TTN: variants seen among roughly 807,000 people sequenced by gnomAD.
TTN encodes the protein connectin.
Under a neutral mutation model 3,223.0 loss-of-function variants are expected in TTN, and 1,525 were observed. That is an observed-to-expected ratio of 0.47 (90% CI 0.45 to 0.49). The LOEUF is 0.49. Among genes scored for constraint, TTN ranks in the 20% least tolerant of loss-of-function variants. TTN has a pLI of 0.00. For missense variants in TTN, 40,786 were observed against 43,424.0 expected (o/e 0.94, Z 5.40); for synonymous variants, 14,094 against 15,161.0 (o/e 0.93, Z 5.17).
rs750468978 is a variant in TTN at position 178,562,045 on chromosome 2, A to T, written c.84087T>A (p.Asp28029Glu). 3 of 1,613,314 alleles carry T rather than the reference A, an allele frequency of 1.9e-6. No individual in the cohort carries two copies. Among genetic ancestry groups the T allele is most frequent in the Non-Finnish European group, 2.5e-6 (3 of 1,179,684 alleles). Residue 28029 changes from aspartate (D) to glutamate (E), a missense_variant, in exon 326 of 363, where the codon GAT becomes GAA. Physicochemically the swap from Asp to Glu is conservative, Grantham distance 45. Coordinates refer to ENST00000589042, the MANE Select transcript of TTN (RefSeq NM_001267550.2). Reference sequence around the variant, plus strand: ...AAACACATAATTCATAAGTTCCAACATCTTCCTTTGAAGCTTCCTTAATAG... The same window carrying T: ...AAACACATAATTCATAAGTTCCAACTTCTTCCTTTGAAGCTTCCTTAATAG... ...SLSIKEASKE[D>E]VGTYELCVSN... is the part of the protein sequence containing the mutation.
intron 6 of TTN, 62 bp from the exon 7 acceptor site, chr2:178,795,314 C>T (rs2093709104): frequency 6.6e-7 from 1 of 1,522,186 alleles, no homozygotes; most frequent in Non-Finnish European, 9.1e-7. Context: ...GGATGTGAAT[C>T]ATGAGATGAA....
At chr2:178,767,699 T>C (rs2090724132) in intron 40 of TTN, 60 bp downstream of exon 40, 1 of 1,597,262 alleles carries the variant, frequency 6.3e-7, no homozygotes, top group African/African-American at 1.3e-5. Context: ...CATTAAAATA[T>C]AAAATGATAG....
chr2:178,629,369 C>T lies in TTN; in HGVS notation c.44356G>A (p.Glu14786Lys), dbSNP rs764555693. Residue 14786 changes from glutamate (E) to lysine (K), a missense_variant, in exon 240 of 363, where the codon GAG (glutamate) becomes AAG (lysine). By Grantham distance (56) the Glu-to-Lys change is moderately conservative. Coordinates refer to ENST00000589042, the MANE Select transcript of TTN (RefSeq NM_001267550.2). The part of the protein sequence containing the change: ...TAGETATFDC[E>K]LSYEDIPVEW... ...ACTGGGATATCTTCGTAGGAGAGCT[C>T]GCAGTCGAAGGTGGCTGTTTCCCCT... The T allele has an allele frequency of 8.1e-6, 13 of 1,612,822 alleles. No homozygotes were observed. The highest frequency in any genetic ancestry group is 4.4e-5 in the South Asian group (4 of 91,046).
At position 178,593,743 on chromosome 2, in the gene TTN, C is replaced by A. The variant is rs772071197; in HGVS notation, c.58557G>T (p.Lys19519Asn). The A allele has an allele frequency of 6.2e-7, 1 of 1,613,326 alleles. No homozygotes were observed. Among genetic ancestry groups the A allele is most frequent in the Admixed American group, 1.7e-5 (1 of 59,954 alleles). The part of the protein sequence containing the change: ...GSKITNYIIE[K>N]KEVGKDVWMP... ...TCCAGACGTCTTTACCCACTTCCTT[C>A]TTCTCAATAATATAATTGGTGATTT... Residue 19519 changes from lysine (K) to asparagine (N), a missense_variant, in exon 298 of 363, where the codon AAG becomes AAT. Transcript: ENST00000589042.
rs773754692 is a variant in TTN at position 178,590,290 on chromosome 2, C to T, written c.61435G>A (p.Asp20479Asn). The T allele has an allele frequency of 6.4e-7, 1 of 1,570,950 alleles. No homozygotes were observed. The highest frequency in any genetic ancestry group is 2.2e-5 in the East Asian group (1 of 44,446). ...DILHPPEVEL[D>N]VTCRDVITVR... Reference sequence around the variant, plus strand: ...GTAATAACATCACGACAAGTAACATCAAGTTCTACTTCTGGAGGATGAAGG... The same window carrying T: ...GTAATAACATCACGACAAGTAACATTAAGTTCTACTTCTGGAGGATGAAGG... Residue 20479 changes from aspartate to asparagine, a missense_variant, in exon 304 of 363, where the codon GAT becomes AAT. Asp to Asn is a conservative substitution (Grantham distance 23). Coordinates refer to ENST00000589042, the MANE Select transcript of TTN (RefSeq NM_001267550.2).
In TTN at chr2:178,610,260, G is replaced by C; in HGVS notation, c.51266C>G (p.Ala17089Gly). 6.2e-7 allele frequency: 1 copy of C among 1,612,994 alleles called. No individual in the cohort carries two copies. The highest frequency in any genetic ancestry group is 2.2e-5 in the East Asian group (1 of 44,770). The part of the protein sequence containing the change: ...ILHYVLERRE[A>G]GRRTYIPVMS... ...GACTGGTATATATGTTCTCCTCCCAGCTTCTCTGCGCTCCAGGACATAATG... is the reference window on the plus strand; with the variant it reads ...GACTGGTATATATGTTCTCCTCCCACCTTCTCTGCGCTCCAGGACATAATG... Residue 17089 changes from alanine (A) to glycine (G), a missense_variant, in exon 271 of 363, where the codon GCT (alanine) becomes GGT (glycine). Physicochemically the swap from Ala to Gly is moderately conservative, Grantham distance 60. Coordinates refer to ENST00000589042, the MANE Select transcript of TTN (RefSeq NM_001267550.2).
At position 178,531,957 on chromosome 2, in the gene TTN, G is replaced by A; in HGVS notation, c.104658C>T (p.Ser34886=). 1 of 1,613,598 alleles carries A rather than the reference G, an allele frequency of 6.2e-7. No individual in the cohort carries two copies. The highest frequency in any genetic ancestry group is 8.5e-7 in the Non-Finnish European group (1 of 1,179,774). Residue 34886 remains serine, a synonymous_variant, in exon 358 of 363, where the codon TCC becomes TCT. Coordinates refer to ENST00000589042, the MANE Select transcript of TTN (RefSeq NM_001267550.2). ...SPTPERTRPR[S]PSPVSSERSL... is the part of the protein sequence containing the mutation. ...ATCTCTCACTAGACACAGGGCTGGG[G>A]GATCGTGGGCGAGTTCTCTCTGGAG... is the stretch of plus-strand genomic sequence containing the variant.
intron 49 of TTN, among the ~76,000 whole-genome samples, chr2:178,737,088 A>AAAAG (rs924299854): frequency 6.6e-6 from 1 of 151,960 alleles, no homozygotes; most frequent in African/African-American, 2.4e-5. Context: ...GGAAAGAAAG[A>AAAAG]AAAGAAAGAA....
In TTN at chr2:178,598,972, C is replaced by T. The variant is rs535913207; in HGVS notation, c.56738G>A (p.Gly18913Asp). 5.6e-6 allele frequency: 9 copies of T among 1,612,354 alleles called. No homozygotes were observed. The South Asian group carries it at 9.9e-5, about 18-fold the overall frequency. ...CAGCCAGTACCCTGTCACAGGAGAG[C>T]CTCCATCATATTCTGGCTCTTCCCA... ...VNWEEPEYDG[G>D]SPVTGYWLEM... The change falls in exon 291 of 363, where the codon GGC becomes GAC. Residue 18913 changes from glycine (G) to aspartate (D), a missense_variant. Coordinates refer to ENST00000589042, the MANE Select transcript of TTN (RefSeq NM_001267550.2).
At position 178,526,054 on chromosome 2, in the gene TTN, C is replaced by T. The variant is rs1247186638; in HGVS notation, c.*958G>A. ...TCTCAAGGAGGTCCAACAATTATAA[C>T]TAACAATTGAATTTATACTTGCATG... is the stretch of plus-strand genomic sequence containing the variant. On this transcript the variant is annotated 3_prime_UTR_variant, in exon 363 of 363. Transcript: ENST00000589042. The T allele has an allele frequency of 6.6e-6, 1 of 152,616 alleles. No individual in the cohort carries two copies. Among genetic ancestry groups the T allele is most frequent in the Non-Finnish European group, 1.5e-5 (1 of 68,038 alleles). 9.5% of individuals were successfully genotyped at this position (152,616 alleles called of 1,614,324 possible). A position where few individuals can be genotyped will look rare whatever the true frequency, so the allele number is the denominator to read the frequency against.
At chr2:178,747,032 C>A (rs1440885038) in intron 47 of TTN, 1 of 1,613,210 alleles carries the variant, frequency 6.2e-7, no homozygotes, top group Non-Finnish European at 8.5e-7. Flanking sequence ...GGGGTTTGGT[C>A]CTCCAGTAGG....
In TTN at chr2:178,679,701, G is replaced by A. The variant is rs777289874; in HGVS notation, c.33581-19C>T. On this transcript the variant is annotated intron_variant, in intron 140 of 362. Coordinates refer to ENST00000589042, the MANE Select transcript of TTN (RefSeq NM_001267550.2). The stretch of plus-strand genomic sequence containing the variant: ...TCAGGCACTTTAAAGATATTATTAA[G>A]AATGTTGGAAATTTTGCAGGAAAGA... 1.9e-6 allele frequency: 3 copies of A among 1,590,466 alleles called. No homozygotes were observed. In the East Asian group the frequency reaches 6.7e-5, roughly 36 times the overall value.
Position 178,677,259 on chromosome 2 carries a change from TGGTACA to T in TTN, c.34314_34319del (p.Val11439_Pro11440del). 1 of 1,218,458 alleles carries T rather than the reference TGGTACA, an allele frequency of 8.2e-7. No homozygotes were observed. Among genetic ancestry groups the T allele is most frequent in the Non-Finnish European group, 1.0e-6 (1 of 981,174 alleles). 75.5% of individuals were successfully genotyped at this position (1,218,458 alleles called of 1,614,324 possible). ...GGGCGGGAACAGGGACTTTCTTCTC[TGGTACA>T]GGTTTCTTTGGCACTTCAGGCACTT... On this transcript the variant is annotated inframe_deletion, in exon 147 of 363. Coordinates refer to ENST00000589042, the MANE Select transcript of TTN (RefSeq NM_001267550.2).
chr2:178,599,767 G>C lies in TTN; in HGVS notation c.56134C>G (p.Pro18712Ala). The C allele has an allele frequency of 6.2e-7, 1 of 1,611,806 alleles. No individual in the cohort carries two copies. The highest frequency in any genetic ancestry group is 8.5e-7 in the Non-Finnish European group (1 of 1,178,910). The change falls in exon 289 of 363, where the codon CCA (proline) becomes GCA (alanine). Residue 18712 changes from proline (P) to alanine (A), a missense_variant. Transcript: ENST00000589042. ...VNIVAKIKGV[P>A]FPTLTWFKAP... ...TTAAACCAGGTTAGTGTCGGGAATG[G>C]CACACCTTTAATTTTGGCCACAATG...
At chr2:178,779,177 C>A in intron 23 of TTN, 52 bp downstream of exon 23, 1 of 1,612,680 alleles carries the variant, frequency 6.2e-7, no homozygotes, top group Non-Finnish European at 8.5e-7. Flanking sequence ...ATATTTTAAC[C>A]AATTTGTATC....
In TTN at chr2:178,609,367, C is replaced by A. The variant is rs778099881; in HGVS notation, c.51943G>T (p.Val17315Phe). The change falls in exon 273 of 363, where the codon GTC (valine) becomes TTC (phenylalanine). Residue 17315 changes from valine to phenylalanine, a missense_variant. Coordinates refer to ENST00000589042, the MANE Select transcript of TTN (RefSeq NM_001267550.2). ...CTCAAACGCTGTGTCAGAGGCAGGA[C>A]AAATGGTTCTTCTTCTTGAACTTCA... ...KGEVQEEEPF[V>F]LPLTQRLSID... 2 of 1,612,264 alleles carry A rather than the reference C, an allele frequency of 1.2e-6. No individual in the cohort carries two copies. The highest frequency in any genetic ancestry group is 1.7e-6 in the Non-Finnish European group (2 of 1,179,002).
rs1553694864 is a variant in TTN, at chr2:178,611,069, T to C, written c.51060A>G (p.Ala17020=). 2.5e-6 allele frequency: 4 copies of C among 1,612,884 alleles called. No homozygotes were observed. Among genetic ancestry groups the C allele is most frequent in the Non-Finnish European group, 3.4e-6 (4 of 1,179,200 alleles). The change falls in exon 270 of 363, where the codon GCA becomes GCG. Residue 17020 remains alanine (A), a synonymous_variant. Coordinates refer to ENST00000589042, the MANE Select transcript of TTN (RefSeq NM_001267550.2). The part of the protein sequence containing the change: ...AHLEVPKSVR[A]DAGIYTITLE... ...GTGTAATGGTATAAATTCCGGCATC[T>C]GCACGGACACTCTTGGGAACTTCAA...
chr2:178,686,908 G>A (rs183820143), intron 127 of TTN, among the ~76,000 whole-genome samples: 2 of 152,158 alleles, frequency 1.3e-5, no homozygotes, highest in Admixed American at 1.3e-4. Context: ...ACTATGTTTG[G>A]TTTTACAAAC....
rs373905959 is a variant in TTN at position 178,554,587 on chromosome 2, T to C, written c.88760A>G (p.His29587Arg). The C allele has an allele frequency of 3.1e-6, 5 of 1,613,800 alleles. No homozygotes were observed. In the African/African-American group the frequency reaches 5.3e-5, roughly 17 times the overall value. Reference sequence around the variant, plus strand: ...GGTTGTAATGATGCACTCTTCCAAATGTTCAGACACCATAGACCACACAAC... The same window carrying C: ...GGTTGTAATGATGCACTCTTCCAAACGTTCAGACACCATAGACCACACAAC... ...SRVVWSMVSE[H>R]LEECIITTTK... is the part of the protein sequence containing the mutation. Residue 29587 changes from histidine to arginine, a missense_variant, in exon 332 of 363, where the codon CAT (histidine) becomes CGT (arginine). Physicochemically the swap from His to Arg is conservative, Grantham distance 29. Coordinates refer to ENST00000589042, the MANE Select transcript of TTN (RefSeq NM_001267550.2).
Sources: gnomAD v4.1 joint callset for allele counts (sites outside exome capture counted in the v4.1 genomes callset) on GRCh38, gnomAD v4.1.1 for gene constraint, MANE v1.5 for transcripts, NCBI Gene and HGNC (gene_info 2026-07-23, HGNC 2026-07-21) for gene names.